The following CYP4X1 variants were observed in gnomAD, a reference collection of about 807,000 sequenced individuals.
CYP4X1 encodes cytochrome P450 4X1.
Under a neutral mutation model 57.9 loss-of-function variants are expected in CYP4X1, and 44 were observed. The observed-to-expected ratio is 0.76, with a 90% CI of 0.60 to 0.98. CYP4X1 has a LOEUF of 0.98. CYP4X1 is among the 50% of genes least tolerant of loss of function. CYP4X1 has a pLI of 0.00. For synonymous variants in CYP4X1, 227 were observed against 228.6 expected (o/e 0.99, Z 0.06); for missense variants, 532 against 623.9 (o/e 0.85, Z 1.57).
chr1:47,005,233 T>C, the CYP4X1 span, among the ~76,000 whole-genome samples: 1 of 152,160 alleles, frequency 6.6e-6, no homozygotes, highest in South Asian at 2.1e-4. Context: ...TTGGCCTCAA[T>C]ATTGCTTGGA....
chr1:47,054,191 C>G (rs1300680399), downstream of CYP4X1, among the ~76,000 whole-genome samples: 1 of 151,332 alleles, frequency 6.6e-6, no homozygotes, highest in African/African-American at 2.4e-5. Flanking sequence ...TTCCCCATTT[C>G]TTGTTTTTGT....
chr1:46,984,570 G>A, the CYP4X1 span, among the ~76,000 whole-genome samples: 2 of 152,066 alleles, frequency 1.3e-5, no homozygotes, highest in Non-Finnish European at 2.9e-5. Flanking sequence ...AGCTGAAGCA[G>A]GATGGGGTGT....
chr1:47,034,788 T>C (rs1013983260), intron 4 of CYP4X1, among the ~76,000 whole-genome samples: 5 of 151,862 alleles, frequency 3.3e-5, no homozygotes, highest in African/African-American at 1.2e-4. Flanking sequence ...TAGAGTTTTC[T>C]CTCTATTTCT....
the CYP4X1 span, among the ~76,000 whole-genome samples, chr1:46,992,316 A>C: frequency 6.6e-6 from 1 of 152,212 alleles, no homozygotes; most frequent in Non-Finnish European, 1.5e-5. Context: ...GCTTTAATGA[A>C]ATTCATGATG....
At chr1:46,961,837 G>C in the CYP4X1 span, 1 of 1,198,006 alleles carries the variant, frequency 8.3e-7, no homozygotes, top group East Asian at 5.7e-5. Flanking sequence ...CTACTTAGTT[G>C]GTTATCCCAT....
chr1:47,032,993 G>A (rs1459409523), intron 3 of CYP4X1, among the ~76,000 whole-genome samples: 1 of 152,098 alleles, frequency 6.6e-6, no homozygotes, highest in African/African-American at 2.4e-5. Flanking sequence ...AATCTTATAA[G>A]GCTTTGAAAT....
chr1:47,006,794 TG>T, the CYP4X1 span, among the ~76,000 whole-genome samples: 1 of 152,338 alleles, frequency 6.6e-6, no homozygotes, highest in East Asian at 1.9e-4. Flanking sequence ...ATCCTGCGAC[TG>T]GCTTGGAGGG....
At chr1:46,968,192 C>T in the CYP4X1 span, among the ~76,000 whole-genome samples, 7 of 152,164 alleles carry the variant, frequency 4.6e-5, no homozygotes, top group African/African-American at 1.7e-4. Context: ...CACTTGCTTC[C>T]CAGTCTAGGG....
At chr1:47,034,155 G>A (rs998991876) in intron 4 of CYP4X1, among the ~76,000 whole-genome samples, 4 of 152,206 alleles carry the variant, frequency 2.6e-5, no homozygotes, top group Non-Finnish European at 5.9e-5. Flanking sequence ...AGGTAATATG[G>A]ATGAGAGTAT....
chr1:47,050,156 G>A lies in CYP4X1; in HGVS notation c.1512G>A (p.Lys504=), dbSNP rs1569665326. The change falls in exon 12 of 12, where the codon AAG becomes AAA. Residue 504 remains lysine, a synonymous_variant. Coordinates refer to ENST00000371901, the MANE Select transcript of CYP4X1 (RefSeq NM_178033.2). ...KPKNGMYLHL[K]KLSEC ...AGAATGGGATGTATTTGCACCTGAA[G>A]AAACTCTCTGAATGTTAGATCTCAG... 6.2e-7 allele frequency: 1 copy of A among 1,613,878 alleles called. No homozygotes were observed. The highest frequency in any genetic ancestry group is 2.2e-5 in the East Asian group (1 of 44,852).
In CYP4X1 at chr1:47,035,868, C is replaced by A; in HGVS notation, c.555C>A (p.Asn185Lys). Residue 185 changes from asparagine to lysine, a missense_variant, in exon 5 of 12, where the codon AAC becomes AAA. Transcript: ENST00000371901. ...DTSVEVYEHI[N>K]SMSLDIIMKC... ...GCGTGGAGGTCTATGAGCACATCAA[C>A]TCGATGTCTCTGGATATAATCATGA... The A allele has an allele frequency of 6.2e-7, 1 of 1,613,668 alleles. No homozygotes were observed. Among genetic ancestry groups the A allele is most frequent in the African/African-American group, 1.3e-5 (1 of 75,014 alleles).
chr1:46,967,700 G>T, the CYP4X1 span: 3,720 of 904,020 alleles, frequency 4.1e-3, 22 homozygotes, highest in Non-Finnish European at 4.9e-3. Context: ...TCCCCACAAT[G>T]GTTAGGGACC....
the CYP4X1 span, among the ~76,000 whole-genome samples, chr1:46,974,687 CCTTT>C: frequency 6.6e-6 from 1 of 151,878 alleles, no homozygotes; most frequent in South Asian, 2.1e-4. Flanking sequence ...TTGTGTAATG[CCTTT>C]CTTTGTCTTT....
chr1:46,983,059 G>A, the CYP4X1 span, among the ~76,000 whole-genome samples: 3 of 152,226 alleles, frequency 2.0e-5, no homozygotes, highest in Non-Finnish European at 4.4e-5. Context: ...GGGACACGTG[G>A]TGGGGTGGGG....
chr1:46,965,034 A>C, the CYP4X1 span, among the ~76,000 whole-genome samples: 84 of 152,168 alleles, frequency 5.5e-4, no homozygotes, highest in Non-Finnish European at 1.1e-3. Context: ...AGGACCCTCC[A>C]AGCCAGGCAC....
downstream of CYP4X1, among the ~76,000 whole-genome samples, chr1:47,051,264 G>C (rs1046478119): frequency 2.0e-5 from 3 of 151,678 alleles, no homozygotes; most frequent in African/African-American, 7.3e-5. Flanking sequence ...GAAATAGGAA[G>C]ACTTTTACAC....
intron 9 of CYP4X1, among the ~76,000 whole-genome samples, chr1:47,047,024 A>T (rs1011591060): frequency 6.6e-6 from 1 of 152,208 alleles, no homozygotes; most frequent in African/African-American, 2.4e-5. Flanking sequence ...ACAACATTTA[A>T]TAGTTAATAT....
chr1:47,041,516 C>T lies in CYP4X1; in HGVS notation c.1073+1984C>T, dbSNP rs868588484. Among the ~76,000 whole-genome samples the T allele has an allele frequency of 9.2e-5, 14 of 152,094 alleles. No homozygotes were observed. In the South Asian group the frequency reaches 1.2e-3, roughly 14 times the overall value. ...GATGTCTCATTATGGTTTTAATTTACGTTTCCCTGATGATTAGTGATGTTG... is the reference window on the plus strand; with the variant it reads ...GATGTCTCATTATGGTTTTAATTTATGTTTCCCTGATGATTAGTGATGTTG... On this transcript the variant is annotated intron_variant, in intron 8 of 11. Coordinates refer to ENST00000371901, the MANE Select transcript of CYP4X1 (RefSeq NM_178033.2).
the CYP4X1 span, among the ~76,000 whole-genome samples, chr1:46,969,964 C>G: frequency 6.6e-5 from 10 of 152,302 alleles, no homozygotes; most frequent in Admixed American, 1.3e-4. Context: ...CAACACACAT[C>G]GGTTAAAACT....
Sources: allele counts gnomAD v4.1 joint callset (sites outside exome capture counted in the v4.1 genomes callset), GRCh38; gene constraint gnomAD v4.1.1; transcripts MANE v1.5; gene names NCBI Gene and HGNC (gene_info 2026-07-23, HGNC 2026-07-21).